The following LMBR1 variants were observed in gnomAD, a reference collection of about 807,000 sequenced individuals.
The protein encoded by LMBR1 is limb region 1 protein homolog.
A neutral mutation model predicts 73.9 loss-of-function variants in LMBR1; 52 were observed. The observed-to-expected ratio is 0.70, with a 90% confidence interval of 0.56 to 0.89. LMBR1 has a LOEUF of 0.89. Among genes scored for constraint, LMBR1 ranks in the 40% least tolerant of loss-of-function variants. The pLI is 0.00. For missense variants in LMBR1, 539 were observed against 579.8 expected (o/e 0.93, Z 0.72); for synonymous variants, 215 against 209.4 (o/e 1.03, Z -0.23).
At chr7:156,737,581 C>A (rs1484602102) in intron 9 of LMBR1, among the ~76,000 whole-genome samples, 2 of 152,170 alleles carry the variant, frequency 1.3e-5, no homozygotes, top group African/African-American at 4.8e-5. Flanking sequence ...CTCTAATATT[C>A]TTAACTATTC....
chr7:156,849,332 G>T (rs987640279), intron 1 of LMBR1, among the ~76,000 whole-genome samples: 1 of 152,108 alleles, frequency 6.6e-6, no homozygotes, highest in Non-Finnish European at 1.5e-5. Flanking sequence ...TGGACATAGG[G>T]AACAAGAGAC....
intron 4 of LMBR1, among the ~76,000 whole-genome samples, chr7:156,822,085 C>T (rs140157909): frequency 2.3e-4 from 35 of 152,270 alleles, no homozygotes; most frequent in African/African-American, 7.5e-4. Flanking sequence ...CCTTTGCTTA[C>T]GAAAACCTTC....
intron 1 of LMBR1, among the ~76,000 whole-genome samples, chr7:156,878,193 T>C (rs1215701879): frequency 6.6e-6 from 1 of 152,068 alleles, no homozygotes; most frequent in Non-Finnish European, 1.5e-5. Context: ...GTACTGGAAG[T>C]CCTAGCCACA....
chr7:156,835,626 T>C (rs112363549), intron 2 of LMBR1, among the ~76,000 whole-genome samples: 5,615 of 142,728 alleles, frequency 0.039, 146 homozygotes, highest in Non-Finnish European at 0.057. Flanking sequence ...ACCCAGAAGG[T>C]GGAGGCTGCA....
chr7:156,815,584 C>T (rs1352499807), intron 4 of LMBR1, among the ~76,000 whole-genome samples: 11 of 152,124 alleles, frequency 7.2e-5, no homozygotes, highest in Admixed American at 7.2e-4. Context: ...ACAGTTTCCC[C>T]CATAAAATGA....
At chr7:156,738,125 C>T (rs1364866009) in intron 9 of LMBR1, among the ~76,000 whole-genome samples, 1 of 152,132 alleles carries the variant, frequency 6.6e-6, no homozygotes, top group East Asian at 1.9e-4. Flanking sequence ...CCTCTTCCAT[C>T]CCCCAGCAGC....
chr7:156,676,496 A>G (rs2302145), downstream of LMBR1: 660,560 of 1,613,172 alleles, frequency 0.41, 143,663 homozygotes, highest in African/African-American at 0.79. Flanking sequence ...GCGTGGGTGC[A>G]GGCAGGCGTT....
chr7:156,816,280 A>C (rs1585991749), intron 4 of LMBR1, among the ~76,000 whole-genome samples: 1 of 152,090 alleles, frequency 6.6e-6, no homozygotes, highest in Middle Eastern at 3.4e-3. Flanking sequence ...ATCTTGGCTC[A>C]CTGCAGCCTC....
At chr7:156,818,546 T>C (rs1243932756) in intron 4 of LMBR1, among the ~76,000 whole-genome samples, 1 of 152,238 alleles carries the variant, frequency 6.6e-6, no homozygotes, top group African/African-American at 2.4e-5. Flanking sequence ...TCCAAATTTT[T>C]ATTGTTATTT....
chr7:156,855,467 A>G (rs1563542633), intron 1 of LMBR1, among the ~76,000 whole-genome samples: 1 of 152,214 alleles, frequency 6.6e-6, no homozygotes. Flanking sequence ...AGAAAAAATA[A>G]CAATTCTGAA....
intron 5 of LMBR1, chr7:156,779,584 C>T: frequency 1.4e-6 from 1 of 739,982 alleles, no homozygotes; most frequent in Non-Finnish European, 1.9e-6. Context: ...ATAATTGCTT[C>T]TTGGAATTTT....
Position 156,756,406 on chromosome 7 carries a change from C to G in LMBR1, c.744G>C (p.Gln248His), listed in dbSNP as rs1821883884. The G allele has an allele frequency of 1.4e-6, 2 of 1,479,200 alleles. No individual in the cohort carries two copies. Among genetic ancestry groups the G allele is most frequent in the Admixed American group, 1.7e-5 (1 of 57,446 alleles). 91.6% of individuals were successfully genotyped at this position (1,479,200 alleles called of 1,614,324 possible). A position where few individuals can be genotyped will look rare whatever the true frequency, so the allele number is the denominator to read the frequency against. The change falls in exon 9 of 17, where the codon CAG becomes CAC. Residue 248 changes from glutamine to histidine, a missense_variant. By Grantham distance (24) the Gln-to-His change is conservative (BLOSUM62 0). Around this residue, in one of 3 missense-constraint regions of LMBR1, gnomAD observed 454 missense variants for 473.4 expected, o/e 0.96. Coordinates refer to ENST00000353442, the MANE Select transcript of LMBR1 (RefSeq NM_022458.4). Reference sequence around the variant, plus strand: ...ATATAAACATACCATTTAGTCGTCTCTGGAGTGCTTCTTCCTCTAAGGTAA... The same window carrying G: ...ATATAAACATACCATTTAGTCGTCTGTGGAGTGCTTCTTCCTCTAAGGTAA... ...YIITLEEEAL[Q>H]RRLNGLSSSV...
At chr7:156,677,470 C>G (rs985103551), downstream of LMBR1, among the ~76,000 whole-genome samples, 1 of 152,176 alleles carries the variant, frequency 6.6e-6, no homozygotes, top group Admixed American at 6.5e-5. Context: ...CCAGTGAATC[C>G]TGTCACTGCT....
At chr7:156,716,566 A>C (rs1196627368) in intron 15 of LMBR1, among the ~76,000 whole-genome samples, 1 of 152,194 alleles carries the variant, frequency 6.6e-6, no homozygotes, top group Admixed American at 6.5e-5. Flanking sequence ...TTCCTGAGGA[A>C]AGTTCTCCAG....
chr7:156,742,190 AAG>A (rs1819023565), intron 9 of LMBR1, among the ~76,000 whole-genome samples: 1 of 152,094 alleles, frequency 6.6e-6, no homozygotes, highest in Non-Finnish European at 1.5e-5. Context: ...TATATAAAAA[AAG>A]AGAAAAAACT....
At chr7:156,833,268 A>G (rs959669767) in intron 3 of LMBR1, among the ~76,000 whole-genome samples, 3 of 152,238 alleles carry the variant, frequency 2.0e-5, no homozygotes, top group Non-Finnish European at 2.9e-5. Flanking sequence ...AACAGAAAGG[A>G]ATTCGCTGCT....
intron 1 of LMBR1, among the ~76,000 whole-genome samples, chr7:156,856,702 T>A (rs539840302): frequency 6.7e-6 from 1 of 149,356 alleles, no homozygotes. Flanking sequence ...TGAGACTCCA[T>A]CTCAAACAAA....
chr7:156,744,759 A>G (rs1044093530), intron 9 of LMBR1, among the ~76,000 whole-genome samples: 3 of 152,162 alleles, frequency 2.0e-5, no homozygotes, highest in Non-Finnish European at 4.4e-5. Context: ...AACAACATAA[A>G]TTTATTGTCT....
intron 1 of LMBR1, among the ~76,000 whole-genome samples, chr7:156,853,925 G>A (rs1033262820): frequency 1.3e-5 from 2 of 148,836 alleles, no homozygotes; most frequent in Non-Finnish European, 1.5e-5. Context: ...AAAATGCTGG[G>A]ATTACAGGCA....
Sources: allele counts gnomAD v4.1 joint callset (sites outside exome capture counted in the v4.1 genomes callset), GRCh38; gene constraint gnomAD v4.1.1; regional missense constraint gnomAD v4.1.1; transcripts MANE v1.5; gene names NCBI Gene and HGNC (gene_info 2026-07-23, HGNC 2026-07-21).